Variants in KIAA0319 observed in about 807,000 individuals in gnomAD.
The protein encoded by KIAA0319 is dyslexia-associated protein KIAA0319.
KIAA0319 carries 83 observed loss-of-function variants against 108.4 expected under a neutral mutation model. That is an observed-to-expected ratio of 0.77 (90% CI 0.64 to 0.92). The LOEUF is 0.92. Among genes scored for constraint, KIAA0319 ranks in the 40% least tolerant of loss-of-function variants. The pLI is 0.00. For missense variants in KIAA0319, 1,195 were observed against 1,322.4 expected (o/e 0.90, Z 1.49); for synonymous variants, 484 against 510.4 (o/e 0.95, Z 0.70).
chr6:24,572,844 G>A (rs905857927), intron 10 of KIAA0319, 146 bp from the exon 11 acceptor site: 16 of 825,282 alleles, frequency 1.9e-5, no homozygotes, highest in South Asian at 7.8e-5. Context: ...GGCCAGGCAC[G>A]GTGGTTCACA....
rs991968047 is a variant in KIAA0319 at position 24,632,205 on chromosome 6, A to G, written c.-106+13531T>C. Among the ~76,000 whole-genome samples the G allele has an allele frequency of 5.3e-5, 8 of 152,350 alleles. No homozygotes were observed. The East Asian group carries it at 1.5e-3, about 29-fold the overall frequency. On this transcript the variant is annotated intron_variant, in intron 1 of 20. Coordinates refer to ENST00000378214, the MANE Select transcript of KIAA0319 (RefSeq NM_014809.4). The stretch of plus-strand genomic sequence containing the variant: ...AATCAGGAAATAAGTGGTTTATAAT[A>G]TTCATCATCGCCATTATCAAAATAA...
At position 24,564,335 on chromosome 6, in the gene KIAA0319, G is replaced by A; in HGVS notation, c.2298C>T (p.Val766=). 6.2e-7 allele frequency: 1 copy of A among 1,614,152 alleles called. No homozygotes were observed. The highest frequency in any genetic ancestry group is 1.7e-5 in the Admixed American group (1 of 60,028). Residue 766 remains valine (V), a synonymous_variant, in exon 15 of 21, where the codon GTC becomes GTT. Transcript: ENST00000378214. ...RDGQSPAAGD[V]IDGSDHSVAL... ...CCACACTGTGGTCAGAGCCATCGAT[G>A]ACATCCTGCGAAAGAACACGGATCA... is the stretch of plus-strand genomic sequence containing the variant.
At chr6:24,635,798 T>C (rs565312950) in intron 1 of KIAA0319, among the ~76,000 whole-genome samples, 1 of 152,168 alleles carries the variant, frequency 6.6e-6, no homozygotes, top group East Asian at 1.9e-4. Flanking sequence ...ACTGAAAACT[T>C]GATTTGGCTC....
intron 1 of KIAA0319, among the ~76,000 whole-genome samples, chr6:24,602,694 G>C (rs572529444): frequency 6.6e-6 from 1 of 152,116 alleles, no homozygotes; most frequent in African/African-American, 2.4e-5. Context: ...CCAGCTACTC[G>C]GGAGGCTGAG....
At chr6:24,573,123 G>A (rs942115560) in intron 10 of KIAA0319, among the ~76,000 whole-genome samples, 1 of 152,092 alleles carries the variant, frequency 6.6e-6, no homozygotes, top group Non-Finnish European at 1.5e-5. Context: ...AAAAAAATAT[G>A]TTGGTCCCCA....
chr6:24,565,568 C>G (rs1763781302), intron 14 of KIAA0319, among the ~76,000 whole-genome samples: 1 of 151,998 alleles, frequency 6.6e-6, no homozygotes, highest in Non-Finnish European at 1.5e-5. Context: ...TCCTGGCCAA[C>G]ATGGTGAAAC....
At chr6:24,586,677 TC>T (rs1469798764) in intron 4 of KIAA0319, among the ~76,000 whole-genome samples, 1 of 152,238 alleles carries the variant, frequency 6.6e-6, no homozygotes, top group African/African-American at 2.4e-5. Context: ...TGAGATTTCC[TC>T]ATTTCCCTGG....
chr6:24,630,158 GAC>G (rs1775334923), intron 1 of KIAA0319, among the ~76,000 whole-genome samples: 1 of 151,922 alleles, frequency 6.6e-6, no homozygotes, highest in Non-Finnish European at 1.5e-5. Context: ...TAGCCTGGGT[GAC>G]AGAGTGAGAC....
intron 1 of KIAA0319, among the ~76,000 whole-genome samples, chr6:24,609,282 A>AAG (rs1562060167): frequency 6.7e-6 from 1 of 150,298 alleles, no homozygotes; most frequent in Non-Finnish European, 1.5e-5. Context: ...ACAAAAAAAA[A>AAG]AAAAAAAGAA....
At chr6:24,602,887 C>T (rs370770523) in intron 1 of KIAA0319, among the ~76,000 whole-genome samples, 10 of 152,122 alleles carry the variant, frequency 6.6e-5, no homozygotes, top group South Asian at 2.1e-4. Flanking sequence ...GGAAAACCAA[C>T]GGGTATCAAT....
intron 9 of KIAA0319, among the ~76,000 whole-genome samples, chr6:24,576,941 A>C (rs1434318669): frequency 1.3e-5 from 2 of 152,106 alleles, no homozygotes; most frequent in African/African-American, 4.8e-5. Flanking sequence ...CAACCAAAAA[A>C]AAAAGAAAAA....
At chr6:24,577,798 T>C (rs972696923) in intron 9 of KIAA0319, among the ~76,000 whole-genome samples, 2 of 152,190 alleles carry the variant, frequency 1.3e-5, no homozygotes, top group Non-Finnish European at 2.9e-5. Context: ...TTGGGCCCGT[T>C]AGGAAATTTC....
chr6:24,561,598 G>A (rs1303777808), intron 16 of KIAA0319, among the ~76,000 whole-genome samples: 1 of 152,072 alleles, frequency 6.6e-6, no homozygotes, highest in Non-Finnish European at 1.5e-5. Flanking sequence ...GTCCAGGCTG[G>A]AATGCAATGG....
chr6:24,639,341 A>G (rs1776617612), intron 1 of KIAA0319, among the ~76,000 whole-genome samples: 1 of 152,214 alleles, frequency 6.6e-6, no homozygotes, highest in African/African-American at 2.4e-5. Flanking sequence ...ATTGGTAAGA[A>G]TAGATGCTAG....
intron 1 of KIAA0319, among the ~76,000 whole-genome samples, chr6:24,610,724 A>G (rs1031136496): frequency 2.6e-5 from 4 of 151,630 alleles, no homozygotes; most frequent in Non-Finnish European, 5.9e-5. Context: ...AGTTTGTGAC[A>G]AGCCTGGGCA....
At chr6:24,619,698 T>A (rs548175378) in intron 1 of KIAA0319, among the ~76,000 whole-genome samples, 1 of 151,968 alleles carries the variant, frequency 6.6e-6, no homozygotes, top group Non-Finnish European at 1.5e-5. Context: ...AGAGTGAAAA[T>A]GCACGAGGGG....
At chr6:24,568,529 T>C (rs1019433801) in intron 13 of KIAA0319, among the ~76,000 whole-genome samples, 1 of 152,180 alleles carries the variant, frequency 6.6e-6, no homozygotes, top group African/African-American at 2.4e-5. Context: ...TCATTACTAG[T>C]AGTCACAGAA....
intron 18 of KIAA0319, 143 bp from the exon 19 acceptor site, chr6:24,554,774 C>G (rs1762059477): frequency 1.6e-6 from 1 of 636,890 alleles, no homozygotes; most frequent in South Asian, 1.9e-5. Flanking sequence ...GGTAGCAGAG[C>G]AGAGCAAGGT....
chr6:24,622,319 T>TA (rs5874995), intron 1 of KIAA0319, among the ~76,000 whole-genome samples: 75,277 of 114,520 alleles, frequency 0.66, 23,774 homozygotes, highest in East Asian at 0.83. Flanking sequence ...TTTGAGAAAT[T>TA]AAAAAAAAAA....
Sources: allele counts gnomAD v4.1 joint callset (sites outside exome capture counted in the v4.1 genomes callset), GRCh38; gene constraint gnomAD v4.1.1; transcripts MANE v1.5; gene names NCBI Gene and HGNC (gene_info 2026-07-23, HGNC 2026-07-21).